WFS1: variants seen among roughly 807,000 people sequenced by gnomAD.
WFS1 encodes the protein wolframin ER transmembrane glycoprotein.
A neutral mutation model predicts 68.5 loss-of-function variants in WFS1; 90 were observed. That is an observed-to-expected ratio of 1.31 (90% CI 1.11 to 1.56). The LOEUF (loss-of-function observed/expected upper bound fraction) is 1.56. Among genes scored for constraint, WFS1 ranks in the 40% most tolerant of loss-of-function variants. WFS1 has a pLI of 0.00. For missense variants in WFS1, 1,767 were observed against 1,232.6 expected (o/e 1.43, Z -6.49); for synonymous variants, 860 against 540.7 (o/e 1.59, Z -8.19).
rs756972444 is a variant in WFS1 at position 6,302,232 on chromosome 4, G to T, written c.2437G>T (p.Val813Leu). The T allele has an allele frequency of 3.1e-6, 5 of 1,607,896 alleles. No individual in the cohort carries two copies. Among genetic ancestry groups the T allele is most frequent in the Non-Finnish European group, 4.2e-6 (5 of 1,176,500 alleles). ...GCGGGCCAGCAGCGAGTTCAAGAGC[G>T]TGCTGCTCAGCCTGCGCCAGGGCAG... The part of the protein sequence containing the change: ...VLRASSEFKS[V>L]LLSLRQGSLI... Residue 813 changes from valine to leucine, a missense_variant, in exon 8 of 8, where the codon GTG becomes TTG. By Grantham distance (32) the Val-to-Leu change is conservative. Transcript: ENST00000226760.
chr4:6,299,219 C>A (rs912330133), intron 7 of WFS1, among the ~76,000 whole-genome samples: 5 of 152,240 alleles, frequency 3.3e-5, no homozygotes, highest in African/African-American at 1.2e-4. Flanking sequence ...GAGGGCTGGC[C>A]CTGGGTGGCA....
At chr4:6,272,925 G>A (rs980917756) in intron 1 of WFS1, among the ~76,000 whole-genome samples, 11 of 152,236 alleles carry the variant, frequency 7.2e-5, no homozygotes, top group Admixed American at 6.5e-5. Flanking sequence ...ATATGGAGGG[G>A]TGTAGGCTTT....
chr4:6,289,156 A>G, intron 4 of WFS1, 25 bp downstream of exon 4: 1 of 1,558,468 alleles, frequency 6.4e-7, no homozygotes. Context: ...GGCTTAGAAC[A>G]GCCTCTGGAG....
chr4:6,300,570 A>C, intron 7 of WFS1, 87 bp from the exon 8 acceptor site: 1 of 1,590,164 alleles, frequency 6.3e-7, no homozygotes, highest in Non-Finnish European at 8.6e-7. Flanking sequence ...CCTTTTGCCC[A>C]GAGGCAGGGT....
At chr4:6,288,687 G>A in intron 3 of WFS1, 1 of 453,910 alleles carries the variant, frequency 2.2e-6, no homozygotes, top group Non-Finnish European at 4.1e-6. Context: ...CATTGATGGT[G>A]AGCCTTGGCA....
intron 4 of WFS1, among the ~76,000 whole-genome samples, chr4:6,290,175 G>T (rs555864109): frequency 6.6e-6 from 1 of 152,230 alleles, no homozygotes; most frequent in Non-Finnish European, 1.5e-5. Flanking sequence ...CTGACCTCAG[G>T]GGATCCACCC....
At position 6,290,916 on chromosome 4, in the gene WFS1, G is replaced by C. The variant is rs11732178; in HGVS notation, c.461-281G>C. Among the ~76,000 whole-genome samples the C allele has an allele frequency of 0.61, 91,984 of 152,024 alleles. 28,524 individuals carry two copies. Among genetic ancestry groups the C allele is most frequent in the East Asian group, 0.93 (4,795 of 5,132 alleles). On this transcript the variant is annotated intron_variant, in intron 4 of 7. Transcript: ENST00000226760. ...CCTGTGCCTCCGGGTCTGCACCTCTGAGAGAGGGGAGGAACAGGAAGAGGC... is the reference window on the plus strand; with the variant it reads ...CCTGTGCCTCCGGGTCTGCACCTCTCAGAGAGGGGAGGAACAGGAAGAGGC...
chr4:6,285,336 T>A, intron 2 of WFS1, among the ~76,000 whole-genome samples: 1 of 145,514 alleles, frequency 6.9e-6, no homozygotes, highest in African/African-American at 2.6e-5. Flanking sequence ...AGGTGGCCTG[T>A]CAGGGAGGGT....
At position 6,277,508 on chromosome 4, in the gene WFS1, C is replaced by A. The variant is rs909951967; in HGVS notation, c.53C>A (p.Ala18Glu). The change falls in exon 2 of 8, where the codon GCA (alanine) becomes GAA (glutamate). Residue 18 changes from alanine (A) to glutamate (E), a missense_variant. By Grantham distance (107) the Ala-to-Glu change is moderately radical (BLOSUM62 -1). Coordinates refer to ENST00000226760, the MANE Select transcript of WFS1 (RefSeq NM_006005.3). ...CCCTCCTGCCCACAGCCCCCGCCAG[C>A]ACCGCAGCCCCAGGCGCGTTCCCGA... is the stretch of plus-strand genomic sequence containing the variant. ...LGPSCPQPPP[A>E]PQPQARSRLN... The A allele has an allele frequency of 3.2e-6, 5 of 1,579,544 alleles. No homozygotes were observed. Among genetic ancestry groups the A allele is most frequent in the Non-Finnish European group, 1.7e-6 (2 of 1,163,404 alleles).
At chr4:6,297,284 A>T (rs1056751832) in intron 7 of WFS1, among the ~76,000 whole-genome samples, 3 of 152,144 alleles carry the variant, frequency 2.0e-5, no homozygotes, top group African/African-American at 7.2e-5. Context: ...GAATCGTCAC[A>T]AGCGTCTCCC....
At chr4:6,281,923 A>G (rs1197216414) in intron 2 of WFS1, among the ~76,000 whole-genome samples, 3 of 152,136 alleles carry the variant, frequency 2.0e-5, no homozygotes, top group African/African-American at 7.2e-5. Flanking sequence ...TGCCTGTCCT[A>G]CTTTGCGCTC....
At chr4:6,290,742 G>A (rs1369803532) in intron 4 of WFS1, among the ~76,000 whole-genome samples, 1 of 152,182 alleles carries the variant, frequency 6.6e-6, no homozygotes, top group African/African-American at 2.4e-5. Flanking sequence ...AGAAAGGGCT[G>A]GGCTGTGTGT....
rs35031397 is a variant in WFS1 at position 6,301,089 on chromosome 4, C to G, written c.1294C>G (p.Leu432Val). ...ASKDCIPCSE[L>V]AVITGFFTVT... ...CAAGGACTGCATCCCCTGCTCGGAG[C>G]TGGCTGTCATCACCGGCTTCTTTAC... Residue 432 changes from leucine (L) to valine (V), a missense_variant, in exon 8 of 8, where the codon CTG (leucine) becomes GTG (valine). Physicochemically the swap from Leu to Val is conservative, Grantham distance 32 (BLOSUM62 1). Coordinates refer to ENST00000226760, the MANE Select transcript of WFS1 (RefSeq NM_006005.3). The G allele has an allele frequency of 3.7e-3, 6,040 of 1,614,054 alleles. 23 individuals are homozygous for G. Among genetic ancestry groups the G allele is most frequent in the Middle Eastern group, 0.015 (92 of 6,062 alleles).
At position 6,291,193 on chromosome 4, in the gene WFS1, T is replaced by C; in HGVS notation, c.461-4T>C. The C allele has an allele frequency of 1.2e-6, 2 of 1,611,970 alleles. No individual in the cohort carries two copies. Among genetic ancestry groups the C allele is most frequent in the Non-Finnish European group, 1.7e-6 (2 of 1,179,964 alleles). ...AAGGCCTTTGACCACATCCTATCCC[T>C]CAGGCATCACGTCCGAGAACGAACG... On this transcript the variant is annotated splice_polypyrimidine_tract_variant and splice_region_variant and intron_variant, in intron 4 of 7. Coordinates refer to ENST00000226760, the MANE Select transcript of WFS1 (RefSeq NM_006005.3).
At chr4:6,281,439 A>G (rs1730167425) in intron 2 of WFS1, among the ~76,000 whole-genome samples, 1 of 152,096 alleles carries the variant, frequency 6.6e-6, no homozygotes, top group Non-Finnish European at 1.5e-5. Context: ...CAGCTGTTAG[A>G]TGGATTGTTT....
At chr4:6,290,219 G>A (rs557719011) in intron 4 of WFS1, among the ~76,000 whole-genome samples, 10 of 152,356 alleles carry the variant, frequency 6.6e-5, no homozygotes, top group Admixed American at 2.0e-4. Context: ...GAGTACAGGC[G>A]TGAGCCACCA....
At chr4:6,277,078 G>GC (rs1730015676) in intron 1 of WFS1, among the ~76,000 whole-genome samples, 1 of 152,242 alleles carries the variant, frequency 6.6e-6, no homozygotes, top group Admixed American at 6.5e-5. Context: ...GCCCAATTCA[G>GC]CCCCCTGCAG....
chr4:6,274,294 G>A (rs945662172), intron 1 of WFS1, among the ~76,000 whole-genome samples: 17 of 151,880 alleles, frequency 1.1e-4, no homozygotes, highest in Admixed American at 5.2e-4. Context: ...TGATCTGCCC[G>A]CCTCGGCCTC....
chr4:6,292,331 G>T (rs1463598873), intron 6 of WFS1, among the ~76,000 whole-genome samples: 3 of 152,130 alleles, frequency 2.0e-5, no homozygotes, highest in Admixed American at 6.5e-5. Flanking sequence ...TGGCGGGGGG[G>T]TCCTGAGTGG....
Sources: allele counts gnomAD v4.1 joint callset (sites outside exome capture counted in the v4.1 genomes callset), GRCh38; gene constraint gnomAD v4.1.1; transcripts MANE v1.5; gene names NCBI Gene and HGNC (gene_info 2026-07-23, HGNC 2026-07-21).